The following EGLN3 variants were observed in gnomAD, a reference collection of about 807,000 sequenced individuals.
The protein encoded by EGLN3 is prolyl hydroxylase EGLN3.
EGLN3 carries 15 observed loss-of-function variants against 26.0 expected under a neutral mutation model. That is an observed-to-expected ratio of 0.58 (90% CI 0.39 to 0.89). EGLN3 has a LOEUF of 0.89. Ranked by LOEUF, EGLN3 falls within the 40% of genes least tolerant of loss-of-function variation. EGLN3 has a pLI of 0.00. For missense variants in EGLN3, 238 were observed against 311.6 expected, an observed-to-expected ratio of 0.76 and a Z score of 1.78; for synonymous variants, 147 against 127.2, an observed-to-expected ratio of 1.16 and a Z score of -1.05.
intron 1 of EGLN3, among the ~76,000 whole-genome samples, chr14:33,939,062 G>T (rs1443947861): frequency 1.3e-5 from 2 of 152,122 alleles, no homozygotes; most frequent in Non-Finnish European, 2.9e-5. Context: ...TGGAATATTT[G>T]AAATTTTCAT....
At position 33,924,966 on chromosome 14, in the gene EGLN3, G is replaced by C. The variant is rs1387435795; in HGVS notation, c.*925C>G. On this transcript the variant is annotated 3_prime_UTR_variant, in exon 5 of 5. Coordinates refer to ENST00000250457, the MANE Select transcript of EGLN3 (RefSeq NM_022073.4). Reference sequence around the variant, plus strand: ...TAAAAAAAAAAAAAAAAAAAAAACAGGAACACCCACATTTCCAACTCCACC... The same window carrying C: ...TAAAAAAAAAAAAAAAAAAAAAACACGAACACCCACATTTCCAACTCCACC... 1 of 58,428 alleles carries C rather than the reference G, an allele frequency of 1.7e-5. No individual in the cohort carries two copies. The highest frequency in any genetic ancestry group is 4.2e-5 in the Non-Finnish European group (1 of 23,750). The allele number at this position is 58,428 out of a possible 1,614,324, so 3.6% of individuals were successfully genotyped here.
At chr14:33,946,819 C>A (rs964180060) in intron 1 of EGLN3, among the ~76,000 whole-genome samples, 3 of 152,228 alleles carry the variant, frequency 2.0e-5, no homozygotes, top group Non-Finnish European at 4.4e-5. Flanking sequence ...TATTTCCTTT[C>A]ATTTTGCACC....
At chr14:33,934,164 A>G (rs1460315183) in intron 1 of EGLN3, among the ~76,000 whole-genome samples, 2 of 152,156 alleles carry the variant, frequency 1.3e-5, no homozygotes, top group African/African-American at 4.8e-5. Flanking sequence ...CTGACATTAT[A>G]TAGTGTACCC....
At chr14:33,940,311 A>G (rs1359386487) in intron 1 of EGLN3, among the ~76,000 whole-genome samples, 2 of 152,204 alleles carry the variant, frequency 1.3e-5, no homozygotes, top group East Asian at 3.8e-4. Flanking sequence ...ATTTGCTTCA[A>G]TTCTAGTTCT....
intron 1 of EGLN3, among the ~76,000 whole-genome samples, chr14:33,945,252 C>T (rs906245529): frequency 1.3e-5 from 2 of 152,196 alleles, no homozygotes; most frequent in Non-Finnish European, 2.9e-5. Flanking sequence ...CCCCAAAATA[C>T]CTTATTCACA....
At chr14:33,926,241 G>A (rs937481711) in intron 4 of EGLN3, among the ~76,000 whole-genome samples, 1 of 152,174 alleles carries the variant, frequency 6.6e-6, no homozygotes, top group African/African-American at 2.4e-5. Flanking sequence ...AAAACAAACT[G>A]AGATTTCCTG....
At chr14:33,935,521 A>C (rs1680696) in intron 1 of EGLN3, among the ~76,000 whole-genome samples, 51,649 of 151,602 alleles carry the variant, frequency 0.34, 9,680 homozygotes, top group Non-Finnish European at 0.44. Context: ...GCAGGCAATC[A>C]GATCTTTATG....
At chr14:33,935,322 A>G (rs1306939290) in intron 1 of EGLN3, among the ~76,000 whole-genome samples, 1 of 152,172 alleles carries the variant, frequency 6.6e-6, no homozygotes, top group East Asian at 1.9e-4. Context: ...ACCCAATTCT[A>G]CTTAAGTGTT....
In EGLN3 at chr14:33,926,833, C is replaced by T; in HGVS notation, c.688+127G>A. On this transcript the variant is annotated intron_variant, in intron 4 of 4. Transcript: ENST00000250457. ...GCCAAGGTTTCAGGATAAAACCCAT[C>T]AAGATGTCATTATATATAAAGCTAA... The T allele has an allele frequency of 5.1e-6, 3 of 591,016 alleles. No individual in the cohort carries two copies. In the Middle Eastern group the frequency reaches 1.5e-3, roughly 301 times the overall value. The allele number at this position is 591,016 out of a possible 1,614,324, so 36.6% of individuals were successfully genotyped here.
At chr14:33,942,364 C>T (rs1216898373) in intron 1 of EGLN3, among the ~76,000 whole-genome samples, 1 of 151,324 alleles carries the variant, frequency 6.6e-6, no homozygotes, top group African/African-American at 2.4e-5. Context: ...AAAGAAAGCA[C>T]AATAGGCCCT....
chr14:33,928,609 C>A (rs192850595), intron 3 of EGLN3, among the ~76,000 whole-genome samples: 1 of 152,118 alleles, frequency 6.6e-6, no homozygotes, highest in Non-Finnish European at 1.5e-5. Context: ...AAGGAAAAGA[C>A]AAAAAGAGAA....
At chr14:33,947,690 A>G (rs1245882697) in intron 1 of EGLN3, among the ~76,000 whole-genome samples, 4 of 152,208 alleles carry the variant, frequency 2.6e-5, no homozygotes, top group African/African-American at 9.6e-5. Context: ...AAATTGGGTG[A>G]TGGGAGCTCA....
chr14:33,943,727 T>C (rs1161720790), intron 1 of EGLN3, among the ~76,000 whole-genome samples: 1 of 152,202 alleles, frequency 6.6e-6, no homozygotes, highest in Non-Finnish European at 1.5e-5. Flanking sequence ...CTCTGCTCAT[T>C]AGAGGTTGGG....
At chr14:33,927,769 G>GA (rs2064372542) in intron 3 of EGLN3, among the ~76,000 whole-genome samples, 1 of 152,182 alleles carries the variant, frequency 6.6e-6, no homozygotes, top group African/African-American at 2.4e-5. Context: ...GTGAAGCTTT[G>GA]AAAAACGACT....
intron 1 of EGLN3, among the ~76,000 whole-genome samples, chr14:33,947,294 A>AG (rs761625420): frequency 1.3e-5 from 2 of 152,010 alleles, no homozygotes; most frequent in Non-Finnish European, 2.9e-5. Context: ...GCTTGAAGTT[A>AG]GGGGGGGCCA....
rs1183759180 is a variant in EGLN3, at chr14:33,925,582, C to T, written c.*309G>A. 6.3e-6 allele frequency: 2 copies of T among 315,464 alleles called. No individual in the cohort carries two copies. The highest frequency in any genetic ancestry group is 1.2e-5 in the Non-Finnish European group (2 of 169,418). 19.5% of individuals were successfully genotyped at this position (315,464 alleles called of 1,614,324 possible). A position where few individuals can be genotyped will look rare whatever the true frequency, so the allele number is the denominator to read the frequency against. Reference sequence around the variant, plus strand: ...AAAGTGCAAGTAAGGTTCATTCCCTCGCTGTGCTCCTAGGCTCTTCTCTTG... The same window carrying T: ...AAAGTGCAAGTAAGGTTCATTCCCTTGCTGTGCTCCTAGGCTCTTCTCTTG... On this transcript the variant is annotated 3_prime_UTR_variant, in exon 5 of 5. Transcript: ENST00000250457.
At chr14:33,941,505 T>C (rs998500813) in intron 1 of EGLN3, among the ~76,000 whole-genome samples, 3 of 152,074 alleles carry the variant, frequency 2.0e-5, no homozygotes, top group Admixed American at 2.0e-4. Context: ...GGCATCGAAT[T>C]AGAGACTAAG....
Position 33,950,926 on chromosome 14 carries a change from C to T in EGLN3, c.-174G>A, listed in dbSNP as rs1025036789. The T allele has an allele frequency of 2.9e-5, 19 of 645,852 alleles. No individual in the cohort carries two copies. The highest frequency in any genetic ancestry group is 1.1e-4 in the Admixed American group (4 of 36,074). The allele number at this position is 645,852 out of a possible 1,614,324, so 40.0% of individuals were successfully genotyped here. The stretch of plus-strand genomic sequence containing the variant: ...ACAAGGGAAAGTTTCTCGCAACTCT[C>T]GGGAGAAGGGATCTGCCTTCGGGAA... On this transcript the variant is annotated 5_prime_UTR_variant, in exon 1 of 5. Transcript: ENST00000250457.
rs754021488 is a variant in EGLN3 at position 33,950,458 on chromosome 14, C to G, written c.295G>C (p.Asp99His). 2 of 1,613,610 alleles carry G rather than the reference C, an allele frequency of 1.2e-6. No individual in the cohort carries two copies. Among genetic ancestry groups the G allele is most frequent in the South Asian group, 2.2e-5 (2 of 91,074 alleles). Residue 99 changes from aspartate to histidine, a missense_variant, in exon 1 of 5, where the codon GAC (aspartate) becomes CAC (histidine). Transcript: ENST00000250457. The stretch of plus-strand genomic sequence containing the variant: ...CTCCCGCAGTAGAGGACCAGCCTGT[C>G]GATGAGGGACAGGAGGAAGCTGATG... ...EAISFLLSLIDRLVLYCGSRL... is the reference protein window; with the variant it reads ...EAISFLLSLIHRLVLYCGSRL...
Sources: gnomAD v4.1 joint callset for allele counts (sites outside exome capture counted in the v4.1 genomes callset) on GRCh38, gnomAD v4.1.1 for gene constraint, MANE v1.5 for transcripts, NCBI Gene and HGNC (gene_info 2026-07-23, HGNC 2026-07-21) for gene names.